ADGB: variants seen among roughly 807,000 people sequenced by gnomAD.
ADGB encodes androglobin.
A neutral mutation model predicts 210.5 loss-of-function variants in ADGB; 172 were observed. The observed-to-expected ratio is 0.82, with a 90% confidence interval of 0.72 to 0.93. The LOEUF is 0.93. ADGB is among the 40% of genes least tolerant of loss of function. ADGB has a pLI of 0.00. For missense variants in ADGB, 2,025 were observed against 1,964.8 expected, an observed-to-expected ratio of 1.03 and a Z score of -0.58; for synonymous variants, 658 against 662.7, an observed-to-expected ratio of 0.99 and a Z score of 0.11.
At chr6:146,631,113 TA>T (rs1246118123) in intron 1 of ADGB, among the ~76,000 whole-genome samples, 1 of 152,198 alleles carries the variant, frequency 6.6e-6, no homozygotes, top group Non-Finnish European at 1.5e-5. Context: ...ATCTGTAATA[TA>T]GCATACAAGT....
intron 14 of ADGB, among the ~76,000 whole-genome samples, chr6:146,715,901 C>G (rs528715231): frequency 2.6e-5 from 4 of 151,856 alleles, no homozygotes; most frequent in Non-Finnish European, 4.4e-5. Context: ...AACCCTGTCT[C>G]TACTAAAAAT....
intron 1 of ADGB, among the ~76,000 whole-genome samples, chr6:146,627,035 T>C (rs1274337484): frequency 2.6e-5 from 4 of 152,106 alleles, no homozygotes; most frequent in African/African-American, 9.6e-5. Flanking sequence ...TTGTGTGTTT[T>C]CTTTCCTCTC....
chr6:146,649,049 A>G (rs770784023), intron 3 of ADGB, among the ~76,000 whole-genome samples: 2 of 151,914 alleles, frequency 1.3e-5, no homozygotes, highest in Non-Finnish European at 2.9e-5. Context: ...AAGTCTTCCT[A>G]CAAGCATTTA....
At position 146,815,188 on chromosome 6, in the gene ADGB, C is replaced by T. The variant is rs2114681254; in HGVS notation, c.4975C>T (p.Gln1659Ter). Residue 1659 changes from glutamine (Q) to a stop codon, truncating the protein, a stop_gained, in exon 36 of 36, where the codon CAG becomes TAG. Transcript: ENST00000397944. LOFTEE classifies it high-confidence loss of function. ...TEKMTPAPDT[Q>*]KKKKGKKK ...AAAGATGACCCCAGCTCCTGACACA[C>T]AGAAAAAAAAGAAAGGAAAGAAAAA... 6.6e-7 allele frequency: 1 copy of T among 1,503,806 alleles called. No individual in the cohort carries two copies. Among genetic ancestry groups the T allele is most frequent in the South Asian group, 1.3e-5 (1 of 74,938 alleles). 93.2% of individuals were successfully genotyped at this position (1,503,806 alleles called of 1,614,324 possible). A position where few individuals can be genotyped will look rare whatever the true frequency, so the allele number is the denominator to read the frequency against.
intron 17 of ADGB, among the ~76,000 whole-genome samples, chr6:146,722,155 CT>C (rs1339067397): frequency 6.6e-6 from 1 of 152,110 alleles, no homozygotes; most frequent in Non-Finnish European, 1.5e-5. Flanking sequence ...TTCCAACAAT[CT>C]TTTCCTCTAT....
In ADGB at chr6:146,694,989, C is replaced by T. The variant is rs535103746; in HGVS notation, c.1577+2074C>T. On this transcript the variant is annotated intron_variant, in intron 12 of 35. Transcript: ENST00000397944. The stretch of plus-strand genomic sequence containing the variant: ...CTAAATTAACCACTTGTAATATACA[C>T]ATTATTAATATATTAAATAATGTCT... Among the ~76,000 whole-genome samples the T allele has an allele frequency of 2.0e-5, 3 of 152,312 alleles. No homozygotes were observed. The South Asian group carries it at 6.2e-4, about 32-fold the overall frequency.
chr6:146,641,870 A>G (rs912488725), intron 2 of ADGB, among the ~76,000 whole-genome samples: 1 of 152,150 alleles, frequency 6.6e-6, no homozygotes, highest in East Asian at 1.9e-4. Flanking sequence ...CGAAGCCACC[A>G]AAAGCAATTG....
At chr6:146,807,687 G>T (rs1778233157) in intron 35 of ADGB, 1 of 939,750 alleles carries the variant, frequency 1.1e-6, no homozygotes, top group Admixed American at 3.4e-5. Flanking sequence ...ACTGAAAATA[G>T]AAATTGTTCT....
chr6:146,676,473 T>TTTTAGTTG, intron 9 of ADGB, 32 bp downstream of exon 9: 1 of 1,295,388 alleles, frequency 7.7e-7, no homozygotes, highest in Non-Finnish European at 1.0e-6. Flanking sequence ...ATAATAACTA[T>TTTTAGTTG]TTTAGTTGTT....
Position 146,764,065 on chromosome 6 carries a change from C to A in ADGB, c.3715C>A (p.Pro1239Thr). 1 of 1,551,050 alleles carries A rather than the reference C, an allele frequency of 6.4e-7. No homozygotes were observed. Among genetic ancestry groups the A allele is most frequent in the Non-Finnish European group, 8.7e-7 (1 of 1,146,658 alleles). Residue 1239 changes from proline to threonine, a missense_variant, in exon 28 of 36, where the codon CCC (proline) becomes ACC (threonine). By Grantham distance (38) the Pro-to-Thr change is conservative (BLOSUM62 -1). Coordinates refer to ENST00000397944, the MANE Select transcript of ADGB (RefSeq NM_024694.4). ...TGTGGAGGAGGAAACTACCAGTACA[C>A]CCACTAGAGAAGACAGTTCCAGCAC... ...PLVEEETTST[P>T]TREDSSSTPL... is the part of the protein sequence containing the mutation.
chr6:146,645,344 G>A (rs1011286952), intron 3 of ADGB, among the ~76,000 whole-genome samples: 2 of 151,894 alleles, frequency 1.3e-5, no homozygotes, highest in Non-Finnish European at 2.9e-5. Context: ...GCCCAACTAC[G>A]TGAATCATAT....
At chr6:146,788,058 G>A (rs1251222174) in intron 32 of ADGB, among the ~76,000 whole-genome samples, 2 of 152,158 alleles carry the variant, frequency 1.3e-5, no homozygotes, top group African/African-American at 4.8e-5. Context: ...AGCATTGTCA[G>A]CATAGGGCTA....
Position 146,815,394 on chromosome 6 carries a change from A to G in ADGB, c.*177A>G. ...GAAAGCTAGTATTTGAAGCCATTTG[A>G]GTTTAAGATGCTCTAATTTCAATAA... On this transcript the variant is annotated 3_prime_UTR_variant, in exon 36 of 36. Coordinates refer to ENST00000397944, the MANE Select transcript of ADGB (RefSeq NM_024694.4). The G allele has an allele frequency of 2.4e-6, 1 of 417,200 alleles. No homozygotes were observed. 25.8% of individuals were successfully genotyped at this position (417,200 alleles called of 1,614,324 possible).
At chr6:146,786,646 G>T (rs1480754358) in intron 32 of ADGB, among the ~76,000 whole-genome samples, 3 of 152,062 alleles carry the variant, frequency 2.0e-5, no homozygotes, top group Non-Finnish European at 4.4e-5. Context: ...AGCTCAGAGA[G>T]CCACCTTATT....
chr6:146,681,140 A>C (rs190703619), intron 9 of ADGB, among the ~76,000 whole-genome samples: 157 of 152,304 alleles, frequency 1.0e-3, no homozygotes, highest in African/African-American at 3.7e-3. Context: ...CTTCATGTTG[A>C]ATTGTAATCC....
chr6:146,609,904 G>C (rs1780682317), intron 1 of ADGB, among the ~76,000 whole-genome samples: 1 of 152,026 alleles, frequency 6.6e-6, no homozygotes, highest in African/African-American at 2.4e-5. Flanking sequence ...TTAGGGGTAG[G>C]TGACCTGCCC....
chr6:146,807,282 A>G, intron 35 of ADGB: 2 of 968,816 alleles, frequency 2.1e-6, no homozygotes, highest in East Asian at 5.6e-5. Flanking sequence ...TTCATCTTCA[A>G]TCATTTTGCC....
intron 9 of ADGB, 22 bp from the exon 10 acceptor site, chr6:146,685,712 A>G (rs772808292): frequency 2.1e-6 from 3 of 1,434,782 alleles, no homozygotes; most frequent in East Asian, 2.8e-5. Context: ...TTTTCACAAC[A>G]TAATGTATGT....
chr6:146,794,369 A>C (rs893245760), intron 33 of ADGB, among the ~76,000 whole-genome samples: 3 of 152,162 alleles, frequency 2.0e-5, no homozygotes, highest in African/African-American at 4.8e-5. Context: ...TTGGGAGCAA[A>C]CTGAGTGGCT....
Sources: gnomAD v4.1 joint callset for allele counts (sites outside exome capture counted in the v4.1 genomes callset) on GRCh38, gnomAD v4.1.1 for gene constraint, MANE v1.5 for transcripts, NCBI Gene and HGNC (gene_info 2026-07-23, HGNC 2026-07-21) for gene names.